SNX29: variants seen among roughly 807,000 people sequenced by gnomAD.
SNX29 encodes the protein sorting nexin 29.
A neutral mutation model predicts 102.1 loss-of-function variants in SNX29; 78 were observed. The observed-to-expected ratio is 0.76, with a 90% CI of 0.64 to 0.92. The LOEUF is 0.92. Ranked by LOEUF, SNX29 falls within the 40% of genes least tolerant of loss-of-function variation. The pLI is 0.00. For synonymous variants in SNX29, 580 were observed against 414.5 expected, an observed-to-expected ratio of 1.40 and a Z score of -4.85; for missense variants, 1,280 against 1,061.7, an observed-to-expected ratio of 1.21 and a Z score of -2.86.
At chr16:11,993,791 C>G (rs2055949370) in intron 1 of SNX29, among the ~76,000 whole-genome samples, 1 of 152,124 alleles carries the variant, frequency 6.6e-6, no homozygotes, top group South Asian at 2.1e-4. Flanking sequence ...CCAAAGGACT[C>G]TAAACATTAA....
At chr16:12,511,808 A>T (rs1375293497) in intron 19 of SNX29, among the ~76,000 whole-genome samples, 1 of 151,924 alleles carries the variant, frequency 6.6e-6, no homozygotes, top group African/African-American at 2.4e-5. Context: ...TCTCGAAAGC[A>T]ATGGGGCTGA....
chr16:12,356,516 T>C (rs369229868), intron 16 of SNX29, among the ~76,000 whole-genome samples: 1 of 152,238 alleles, frequency 6.6e-6, no homozygotes, highest in Non-Finnish European at 1.5e-5. Flanking sequence ...ATAGTTAAAA[T>C]TGGCATATAG....
At chr16:12,288,412 T>G (rs1477623733) in intron 15 of SNX29, among the ~76,000 whole-genome samples, 1 of 152,224 alleles carries the variant, frequency 6.6e-6, no homozygotes, top group Non-Finnish European at 1.5e-5. Flanking sequence ...CAAATGTGAC[T>G]GCAAAACTGC....
At chr16:12,477,624 T>A (rs1272930566) in intron 18 of SNX29, 95 bp from the exon 19 acceptor site, 1 of 1,429,974 alleles carries the variant, frequency 7.0e-7, no homozygotes, top group Non-Finnish European at 9.7e-7. Flanking sequence ...ATGTGACTCT[T>A]GCTGCAGTTG....
At chr16:12,568,296 A>G in intron 20 of SNX29, among the ~76,000 whole-genome samples, 1 of 91,884 alleles carries the variant, frequency 1.1e-5, no homozygotes. Flanking sequence ...GGAGCCTCGG[A>G]GTGCTGTTAA....
intron 15 of SNX29, among the ~76,000 whole-genome samples, chr16:12,340,360 T>G (rs2081575913): frequency 6.6e-6 from 1 of 152,200 alleles, no homozygotes; most frequent in South Asian, 2.1e-4. Context: ...ACAATGTTCC[T>G]CAGTCAGTAA....
intron 13 of SNX29, among the ~76,000 whole-genome samples, chr16:12,144,784 C>T (rs558665302): frequency 5.9e-5 from 9 of 152,328 alleles, no homozygotes; most frequent in African/African-American, 1.9e-4. Context: ...TGCAATGGCG[C>T]GATCTCTGCT....
intron 10 of SNX29, among the ~76,000 whole-genome samples, chr16:12,075,602 C>T (rs1473581068): frequency 1.3e-5 from 2 of 152,238 alleles, no homozygotes; most frequent in Admixed American, 6.5e-5. Flanking sequence ...TTAGGCTGCT[C>T]AGGGGTCAGG....
chr16:12,411,777 C>G (rs1476200397), intron 18 of SNX29, among the ~76,000 whole-genome samples: 1 of 152,160 alleles, frequency 6.6e-6, no homozygotes, highest in South Asian at 2.1e-4. Flanking sequence ...GGACGGGACA[C>G]CACTCACCTT....
chr16:12,062,784 T>C (rs929496500), intron 9 of SNX29, among the ~76,000 whole-genome samples: 1 of 151,752 alleles, frequency 6.6e-6, no homozygotes, highest in Non-Finnish European at 1.5e-5. Flanking sequence ...AGATTCTTCC[T>C]GTCACTTGGC....
intron 15 of SNX29, among the ~76,000 whole-genome samples, chr16:12,350,466 G>C (rs1276725073): frequency 6.6e-6 from 1 of 152,128 alleles, no homozygotes; most frequent in Non-Finnish European, 1.5e-5. Flanking sequence ...CATGGATTTT[G>C]CTATCCGTGT....
intron 18 of SNX29, among the ~76,000 whole-genome samples, chr16:12,426,780 C>T (rs2085097076): frequency 6.6e-6 from 1 of 152,206 alleles, no homozygotes; most frequent in African/African-American, 2.4e-5. Context: ...ATTCTTGTGC[C>T]TTGGCTACCT....
chr16:12,148,515 A>G (rs1040997146), intron 13 of SNX29, among the ~76,000 whole-genome samples: 3 of 152,040 alleles, frequency 2.0e-5, no homozygotes, highest in Admixed American at 6.6e-5. Context: ...TTTGTACCTC[A>G]GATTTTCTTG....
intron 13 of SNX29, among the ~76,000 whole-genome samples, chr16:12,162,315 T>C (rs1159359893): frequency 7.2e-5 from 11 of 152,208 alleles, no homozygotes; most frequent in Admixed American, 4.6e-4. Flanking sequence ...TTATATCACT[T>C]TGACCCTCTG....
intron 9 of SNX29, among the ~76,000 whole-genome samples, chr16:12,065,066 G>A (rs1010577621): frequency 1.3e-5 from 2 of 152,226 alleles, no homozygotes; most frequent in African/African-American, 4.8e-5. Flanking sequence ...TTGGGAGGGA[G>A]AAAGGAGCAA....
At chr16:12,080,347 C>T (rs1041511035) in intron 11 of SNX29, among the ~76,000 whole-genome samples, 3 of 152,102 alleles carry the variant, frequency 2.0e-5, no homozygotes, top group Admixed American at 6.6e-5. Context: ...AACGGCTGGC[C>T]GCACTTTTTG....
At chr16:12,118,773 G>T (rs2053850469) in intron 11 of SNX29, among the ~76,000 whole-genome samples, 1 of 152,130 alleles carries the variant, frequency 6.6e-6, no homozygotes, top group Admixed American at 6.5e-5. Context: ...AGTGGGACAG[G>T]CAGGGTAGGG....
chr16:12,393,392 T>G (rs8049579), intron 16 of SNX29, among the ~76,000 whole-genome samples: 178 of 142,006 alleles, frequency 1.3e-3, no homozygotes, highest in African/African-American at 4.1e-3. Context: ...ATTCATTCAT[T>G]CATGCATGCA....
At chr16:11,992,183 A>T (rs1021978900) in intron 1 of SNX29, among the ~76,000 whole-genome samples, 1 of 151,998 alleles carries the variant, frequency 6.6e-6, no homozygotes, top group African/African-American at 2.4e-5. Flanking sequence ...AGTCCCAGCT[A>T]CTTGGGAGGC....
Sources: allele counts gnomAD v4.1 joint callset (sites outside exome capture counted in the v4.1 genomes callset), GRCh38; gene constraint gnomAD v4.1.1; transcripts MANE v1.5; gene names NCBI Gene and HGNC (gene_info 2026-07-23, HGNC 2026-07-21).